The following METTL24 variants were observed in gnomAD, a reference collection of about 807,000 sequenced individuals.
METTL24 encodes the protein probable methyltransferase-like protein 24.
Under a neutral mutation model 32.7 loss-of-function variants are expected in METTL24, and 29 were observed. The ratio of observed to expected loss-of-function variants is 0.89; its 90% confidence interval spans 0.66 to 1.21. METTL24 has a LOEUF of 1.21. Ranked by LOEUF, METTL24 falls within the 50% of genes most tolerant of loss-of-function variation. The pLI is 0.00. For synonymous variants in METTL24, 163 were observed against 179.5 expected (o/e 0.91, Z 0.73); for missense variants, 439 against 468.1 (o/e 0.94, Z 0.57).
At chr6:110,341,530 T>G (rs1562243252) in intron 1 of METTL24, among the ~76,000 whole-genome samples, 1 of 152,196 alleles carries the variant, frequency 6.6e-6, no homozygotes, top group Non-Finnish European at 1.5e-5. Flanking sequence ...TTTTAAGAAA[T>G]GTAAGATATA....
chr6:110,294,594 T>C (rs1354220318), intron 4 of METTL24, among the ~76,000 whole-genome samples: 2 of 152,094 alleles, frequency 1.3e-5, no homozygotes, highest in Non-Finnish European at 2.9e-5. Context: ...CACACCTATT[T>C]AAAGACATTA....
intron 1 of METTL24, among the ~76,000 whole-genome samples, chr6:110,334,195 C>T (rs529759309): frequency 1.2e-4 from 19 of 152,246 alleles, no homozygotes; most frequent in South Asian, 4.1e-4. Context: ...CAGGGCTCCC[C>T]GAGGTCTCTT....
In METTL24 at chr6:110,266,206, GA is replaced by G. The variant is rs142882560; in HGVS notation, c.787-19947del. Among the ~76,000 whole-genome samples, 27 of 147,998 alleles carry G rather than the reference GA, an allele frequency of 1.8e-4. No individual in the cohort carries two copies. In the East Asian group the frequency reaches 3.7e-3, roughly 20 times the overall value. ...AGGTATGAGCCACTGTGTCTGGCAGGAAAAAAAAAATGCTTCTATTTTTAAA... is the reference window on the plus strand; with the variant it reads ...AGGTATGAGCCACTGTGTCTGGCAGGAAAAAAAAATGCTTCTATTTTTAAA... On this transcript the variant is annotated intron_variant, in intron 4 of 4. Transcript: ENST00000338882.
At position 110,322,764 on chromosome 6, in the gene METTL24, G is replaced by A. The variant is rs758016691; in HGVS notation, c.417+10C>T. ...ATTCTTCTCTAACTTCTTTGAGCCT[G>A]AAACACAACCTGGGTGGTGCTGATA... On this transcript the variant is annotated intron_variant, in intron 2 of 4. Transcript: ENST00000338882. 6.2e-7 allele frequency: 1 copy of A among 1,607,362 alleles called. No homozygotes were observed. The highest frequency in any genetic ancestry group is 1.7e-5 in the Admixed American group (1 of 59,396).
At chr6:110,255,975 C>T (rs1778375201) in intron 4 of METTL24, among the ~76,000 whole-genome samples, 3 of 151,878 alleles carry the variant, frequency 2.0e-5, no homozygotes, top group Admixed American at 2.0e-4. Context: ...TTTAGAGGGA[C>T]ACAAAACAAA....
intron 1 of METTL24, among the ~76,000 whole-genome samples, chr6:110,346,704 T>C (rs1248063719): frequency 6.6e-6 from 1 of 152,108 alleles, no homozygotes; most frequent in African/African-American, 2.4e-5. Context: ...AGAGTTTCAC[T>C]ATGTTGGTCA....
intron 4 of METTL24, among the ~76,000 whole-genome samples, chr6:110,298,408 T>C (rs1771459922): frequency 6.6e-6 from 1 of 152,230 alleles, no homozygotes; most frequent in Non-Finnish European, 1.5e-5. Flanking sequence ...GTAATGTACA[T>C]GTCCATTCAA....
chr6:110,289,311 A>G (rs1036208111), intron 4 of METTL24, among the ~76,000 whole-genome samples: 12 of 152,230 alleles, frequency 7.9e-5, no homozygotes, highest in Admixed American at 7.2e-4. Flanking sequence ...AAATCTGACA[A>G]AAGTTTAAAA....
chr6:110,256,878 C>T (rs1778395285), intron 4 of METTL24, among the ~76,000 whole-genome samples: 1 of 152,144 alleles, frequency 6.6e-6, no homozygotes, highest in Non-Finnish European at 1.5e-5. Flanking sequence ...ATGTCACTTC[C>T]TTTTTGTGTG....
intron 4 of METTL24, among the ~76,000 whole-genome samples, chr6:110,264,672 C>T (rs1396315604): frequency 2.0e-5 from 3 of 152,072 alleles, no homozygotes; most frequent in Non-Finnish European, 2.9e-5. Flanking sequence ...CACATGCACA[C>T]GTATGTTTAT....
intron 1 of METTL24, among the ~76,000 whole-genome samples, chr6:110,346,490 TTC>T (rs199636137): frequency 5.5e-5 from 7 of 127,382 alleles, no homozygotes; most frequent in Non-Finnish European, 8.4e-5. Flanking sequence ...CCCTATATTA[TTC>T]TCTCTCTCTC....
At chr6:110,315,046 C>T (rs1771793176) in intron 3 of METTL24, among the ~76,000 whole-genome samples, 1 of 151,702 alleles carries the variant, frequency 6.6e-6, no homozygotes, top group Admixed American at 6.6e-5. Context: ...TAAGGATGCT[C>T]TTAGTCTAGC....
At chr6:110,303,034 G>A (rs937326074) in intron 3 of METTL24, among the ~76,000 whole-genome samples, 3 of 152,076 alleles carry the variant, frequency 2.0e-5, no homozygotes, top group South Asian at 2.1e-4. Flanking sequence ...AGGGTGGGGC[G>A]TCGCTTCACC....
At chr6:110,309,519 T>C (rs1771680887) in intron 3 of METTL24, among the ~76,000 whole-genome samples, 1 of 152,180 alleles carries the variant, frequency 6.6e-6, no homozygotes, top group Non-Finnish European at 1.5e-5. Flanking sequence ...ACTGGGCAAT[T>C]TATAAAAGAA....
intron 4 of METTL24, among the ~76,000 whole-genome samples, chr6:110,251,906 G>T (rs918972367): frequency 6.6e-6 from 1 of 152,194 alleles, no homozygotes; most frequent in Non-Finnish European, 1.5e-5. Context: ...CACTTTGGGA[G>T]GCCAAGGCAG....
intron 1 of METTL24, among the ~76,000 whole-genome samples, chr6:110,328,509 G>A (rs1170584479): frequency 6.6e-6 from 1 of 152,158 alleles, no homozygotes; most frequent in East Asian, 1.9e-4. Flanking sequence ...TCAGTGCATG[G>A]AGATAATGGA....
Position 110,245,891 on chromosome 6 carries a change from T to C in METTL24, c.*55A>G, listed in dbSNP as rs867414940. 9 of 1,495,414 alleles carry C rather than the reference T, an allele frequency of 6.0e-6. No homozygotes were observed. Among genetic ancestry groups the C allele is most frequent in the South Asian group, 3.8e-5 (3 of 78,872 alleles). The allele number at this position is 1,495,414 out of a possible 1,614,324, so 92.6% of individuals were successfully genotyped here. On this transcript the variant is annotated 3_prime_UTR_variant, in exon 5 of 5. Transcript: ENST00000338882. ...ATGAGTAAACTCATGATTAGAATTA[T>C]GGACATGCTGCATTCTGCAAATATT...
In METTL24 at chr6:110,246,255, G is replaced by A. The variant is rs367941007; in HGVS notation, c.792C>T (p.Asp264=). ...ILNEFGHHKI[D]VLKADLESAE... Reference sequence around the variant, plus strand: ...CACTTTCCAGATCTGCCTTGAGAACGTCAATCTGTAACAAAGCAATGAAAT... The same window carrying A: ...CACTTTCCAGATCTGCCTTGAGAACATCAATCTGTAACAAAGCAATGAAAT... The change falls in exon 5 of 5, where the codon GAC becomes GAT. Residue 264 remains aspartate, a synonymous_variant. Coordinates refer to ENST00000338882, the MANE Select transcript of METTL24 (RefSeq NM_001123364.3). 1.7e-4 allele frequency: 278 copies of A among 1,603,070 alleles called. 3 individuals carry two copies. In the South Asian group the frequency reaches 1.9e-3, roughly 11 times the overall value.
chr6:110,329,939 G>A (rs1772084737), intron 1 of METTL24, among the ~76,000 whole-genome samples: 1 of 152,224 alleles, frequency 6.6e-6, no homozygotes, highest in African/African-American at 2.4e-5. Flanking sequence ...ACAGTAGCAG[G>A]CAGATTGGAG....
Sources: gnomAD v4.1 joint callset for allele counts (sites outside exome capture counted in the v4.1 genomes callset) on GRCh38, gnomAD v4.1.1 for gene constraint, MANE v1.5 for transcripts, NCBI Gene and HGNC (gene_info 2026-07-23, HGNC 2026-07-21) for gene names.